ENO4: variants seen among roughly 807,000 people sequenced by gnomAD.
ENO4 encodes the protein enolase 4.
A neutral mutation model predicts 63.2 loss-of-function variants in ENO4; 53 were observed. The observed-to-expected ratio is 0.84, with a 90% CI of 0.67 to 1.05. The LOEUF (loss-of-function observed/expected upper bound fraction) is 1.05. Among genes scored for constraint, ENO4 ranks in the 50% least tolerant of loss-of-function variants. The pLI is 0.00. For missense variants in ENO4, 719 were observed against 772.0 expected, an observed-to-expected ratio of 0.93 and a Z score of 0.81; for synonymous variants, 266 against 283.8, an observed-to-expected ratio of 0.94 and a Z score of 0.63.
In ENO4 at chr10:116,874,119, C is replaced by T. The variant is rs1289618341; in HGVS notation, c.1259C>T (p.Ala420Val). The change falls in exon 10 of 14, where the codon GCA becomes GTA. Residue 420 changes from alanine to valine, a missense_variant. By Grantham distance (64) the Ala-to-Val change is moderately conservative. This residue lies in a region of ENO4 where 544 missense variants were observed against 583.6 expected (regional missense o/e 0.93). Transcript: ENST00000341276. ...YEVIMGTYKN[A>V]AEMVDLYVDL... is the part of the protein sequence containing the mutation. ...GTGATCATGGGCACATACAAAAATG[C>T]AGCGGAGATGGTTGACCTGTATGTG... 6.5e-7 allele frequency: 1 copy of T among 1,549,534 alleles called. No homozygotes were observed. The highest frequency in any genetic ancestry group is 8.7e-7 in the Non-Finnish European group (1 of 1,146,010).
intron 10 of ENO4, chr10:116,906,494 C>T: frequency 1.2e-6 from 1 of 821,314 alleles, no homozygotes; most frequent in East Asian, 2.9e-5. Context: ...TTACCCATCC[C>T]ATACTTCTCA....
downstream of ENO4, chr10:116,885,695 C>T (rs1049211078): frequency 1.3e-5 from 2 of 152,298 alleles, no homozygotes; most frequent in African/African-American, 4.8e-5. Context: ...ACCAGAGCAT[C>T]CCCACGGAGG....
chr10:116,861,680 C>T (rs1303142187), intron 6 of ENO4, among the ~76,000 whole-genome samples: 3 of 152,104 alleles, frequency 2.0e-5, no homozygotes, highest in Non-Finnish European at 4.4e-5. Flanking sequence ...TATACTACTC[C>T]TCAGTAGCCT....
intron 10 of ENO4, among the ~76,000 whole-genome samples, chr10:116,894,787 T>C (rs762475757): frequency 1.3e-5 from 2 of 152,210 alleles, no homozygotes; most frequent in African/African-American, 2.4e-5. Flanking sequence ...AGTGTGAATA[T>C]GGATGAAAAA....
chr10:116,871,133 C>A lies in ENO4; in HGVS notation c.1056C>A (p.Ile352=). ...GTCTCTTGATCTTGCAGCAGCAGAT[C>A]ACTGGCAAGATGTCTCATCTTGGCT... ...HDGSKRGQQQ[I]TGKMSHLGCL... Residue 352 remains isoleucine (I), a synonymous_variant, in exon 9 of 14, where the codon ATC becomes ATA. Coordinates refer to ENST00000341276, the MANE Select transcript of ENO4 (RefSeq NM_001242699.2). The A allele has an allele frequency of 6.5e-7, 1 of 1,550,290 alleles. No individual in the cohort carries two copies. The highest frequency in any genetic ancestry group is 1.2e-5 in the South Asian group (1 of 84,040).
intron 10 of ENO4, among the ~76,000 whole-genome samples, chr10:116,907,645 T>C (rs1449917940): frequency 6.6e-6 from 1 of 152,198 alleles, no homozygotes; most frequent in African/African-American, 2.4e-5. Context: ...TCAACAAGTC[T>C]TTCATCAGAG....
intron 11 of ENO4, among the ~76,000 whole-genome samples, chr10:116,878,610 C>G (rs1473975733): frequency 6.6e-6 from 1 of 152,118 alleles, no homozygotes; most frequent in Non-Finnish European, 1.5e-5. Context: ...ATGCATTTTT[C>G]TACACTGAAC....
At chr10:116,900,764 G>A (rs1194089827) in intron 10 of ENO4, 1 of 984,662 alleles carries the variant, frequency 1.0e-6, no homozygotes, top group East Asian at 1.1e-4. Context: ...TCAAAAGAAA[G>A]GAAACACATG....
chr10:116,876,168 ACAT>A lies in ENO4; in HGVS notation c.1448_1450del (p.Ile483del). 6.4e-7 allele frequency: 1 copy of A among 1,550,742 alleles called. No homozygotes were observed. Among genetic ancestry groups the A allele is most frequent in the Non-Finnish European group, 8.7e-7 (1 of 1,147,014 alleles). On this transcript the variant is annotated inframe_deletion, in exon 11 of 14. Transcript: ENST00000341276. ...ATTTCTAAACTTCTAGAGCAAGGAA[ACAT>A]CAGCATCCCCAAATCCAATGGGCTG...
chr10:116,906,341 C>T (rs776904534), intron 10 of ENO4, among the ~76,000 whole-genome samples: 4 of 152,040 alleles, frequency 2.6e-5, no homozygotes, highest in Non-Finnish European at 4.4e-5. Flanking sequence ...ATATTGTTGC[C>T]GAATCTCTTC....
downstream of ENO4, chr10:116,884,277 G>A (rs1431594608): frequency 4.4e-6 from 2 of 458,830 alleles, no homozygotes; most frequent in South Asian, 3.1e-5. Context: ...CCCAGCCAGG[G>A]GCAAAACCCC....
At chr10:116,901,634 A>C in intron 10 of ENO4, 1 of 1,354,038 alleles carries the variant, frequency 7.4e-7, no homozygotes, top group Non-Finnish European at 9.4e-7. Context: ...TGGCCCATCA[A>C]ATGAAAAGAA....
At chr10:116,892,234 C>T (rs1209889073) in intron 10 of ENO4, among the ~76,000 whole-genome samples, 1 of 152,124 alleles carries the variant, frequency 6.6e-6, no homozygotes, top group Non-Finnish European at 1.5e-5. Flanking sequence ...TTATCTTATT[C>T]CTCTAGTGCA....
In ENO4 at chr10:116,876,082, C is replaced by CA; in HGVS notation, c.1360dup (p.Ser454LysfsTer23). 6.5e-7 allele frequency: 1 copy of CA among 1,546,734 alleles called. No individual in the cohort carries two copies. ...TTACCCAGGACTCTGAACAGTGGGA[C>CA]AGCATCTATCACGCACTTGGTTCCA... On this transcript the variant is annotated frameshift_variant, in exon 11 of 14. Coordinates refer to ENST00000341276, the MANE Select transcript of ENO4 (RefSeq NM_001242699.2). LOFTEE classifies it high-confidence loss of function.
chr10:116,899,271 G>A lies in ENO4; in HGVS notation c.1195-12228G>A, dbSNP rs78044430. Among the ~76,000 whole-genome samples, 220 of 152,250 alleles carry A rather than the reference G, an allele frequency of 1.4e-3. 6 individuals are homozygous for A. In the East Asian group the frequency reaches 0.032, roughly 22 times the overall value. On this transcript the variant is annotated intron_variant, in intron 10 of 10. Transcript: ENST00000369207. The stretch of plus-strand genomic sequence containing the variant: ...GATAACTGCTCTAGGGAGAAATGAC[G>A]TAGGATAAGGGGGAATCAGAGCTTA...
At chr10:116,871,327 G>A (rs1355328184) in intron 9 of ENO4, 35 bp downstream of exon 9, 3 of 1,495,908 alleles carry the variant, frequency 2.0e-6, no homozygotes, top group African/African-American at 2.8e-5. Flanking sequence ...ACTTCCTATT[G>A]AGATCCATGA....
intron 10 of ENO4, among the ~76,000 whole-genome samples, chr10:116,891,757 T>C (rs900580803): frequency 6.6e-6 from 1 of 152,046 alleles, no homozygotes; most frequent in Non-Finnish European, 1.5e-5. Context: ...TTTAATACAC[T>C]TGTCCAAAAC....
chr10:116,855,602 GTTCTT>G lies in ENO4; in HGVS notation c.166-18_166-14del. On this transcript the variant is annotated splice_polypyrimidine_tract_variant and intron_variant, in intron 1 of 13. Coordinates refer to ENST00000341276, the MANE Select transcript of ENO4 (RefSeq NM_001242699.2). ...CAACAACTTGAACCAGATGATTTTTGTTCTTTTGTGTGTGTTGAAGGCAAACTGCT... is the reference window on the plus strand; with the variant it reads ...CAACAACTTGAACCAGATGATTTTTGTTGTGTGTGTTGAAGGCAAACTGCT... 2 of 1,535,722 alleles carry G rather than the reference GTTCTT, an allele frequency of 1.3e-6. No individual in the cohort carries two copies. Among genetic ancestry groups the G allele is most frequent in the Middle Eastern group, 3.3e-4 (2 of 5,990 alleles).
At chr10:116,854,197 A>G (rs1846180559) in intron 1 of ENO4, among the ~76,000 whole-genome samples, 1 of 152,166 alleles carries the variant, frequency 6.6e-6, no homozygotes, top group Admixed American at 6.5e-5. Context: ...GAATGAGCTG[A>G]TGGTAAGATA....
Sources: allele counts gnomAD v4.1 joint callset (sites outside exome capture counted in the v4.1 genomes callset), GRCh38; gene constraint gnomAD v4.1.1; regional missense constraint gnomAD v4.1.1; transcripts MANE v1.5; gene names NCBI Gene and HGNC (gene_info 2026-07-23, HGNC 2026-07-21).